LMNTD1: variants seen among roughly 807,000 people sequenced by gnomAD.
LMNTD1 encodes the protein lamin tail domain-containing protein 1.
In LMNTD1, 35 loss-of-function variants were observed where a neutral mutation model predicts 50.9. That is an observed-to-expected ratio of 0.69 (90% CI 0.53 to 0.91). LMNTD1 has a LOEUF of 0.91. LMNTD1 is among the 40% of genes least tolerant of loss of function. The probability of loss-of-function intolerance (pLI) is 0.00; values close to 1 mark genes in which losing one functional copy is unlikely to be tolerated. For missense variants in LMNTD1, 470 were observed against 475.5 expected (o/e 0.99, Z 0.11); for synonymous variants, 153 against 161.9 (o/e 0.94, Z 0.42).
chr12:25,620,726 C>T (rs1946455188), intron 1 of LMNTD1, among the ~76,000 whole-genome samples: 1 of 152,168 alleles, frequency 6.6e-6, no homozygotes, highest in African/African-American at 2.4e-5. Context: ...CACTGGGTCC[C>T]CGCTTCTCTC....
At chr12:25,496,335 T>G (rs1232993355) in intron 9 of LMNTD1, among the ~76,000 whole-genome samples, 1 of 152,148 alleles carries the variant, frequency 6.6e-6, no homozygotes, top group Non-Finnish European at 1.5e-5. Context: ...ATGAAATAAG[T>G]TAACTTTTAT....
upstream of LMNTD1, among the ~76,000 whole-genome samples, chr12:25,556,127 C>T: frequency 6.6e-6 from 1 of 152,040 alleles, no homozygotes; most frequent in Non-Finnish European, 1.5e-5. Context: ...CATGTGCCAC[C>T]ACGCCCGGCC....
chr12:25,619,250 CTCTATATA>C (rs1199303926), intron 1 of LMNTD1, among the ~76,000 whole-genome samples: 4,480 of 78,702 alleles, frequency 0.057, 74 homozygotes, highest in Middle Eastern at 0.11. Context: ...CTCTCTCTCT[CTCTATATA>C]TATATATATA....
intron 1 of LMNTD1, among the ~76,000 whole-genome samples, chr12:25,613,934 G>A (rs1323349742): frequency 6.6e-6 from 1 of 151,992 alleles, no homozygotes; most frequent in Non-Finnish European, 1.5e-5. Context: ...GGGCAACTAA[G>A]GGAGAAGATA....
At chr12:25,576,605 T>A (rs1416451633) in intron 1 of LMNTD1, among the ~76,000 whole-genome samples, 2 of 152,248 alleles carry the variant, frequency 1.3e-5, no homozygotes, top group African/African-American at 4.8e-5. Context: ...TTTTGTCAGA[T>A]GGGAAGATTG....
intron 4 of LMNTD1, among the ~76,000 whole-genome samples, chr12:25,542,487 T>C (rs1022401341): frequency 2.1e-5 from 3 of 145,374 alleles, no homozygotes; most frequent in Middle Eastern, 3.7e-3. Context: ...AACCAAACAC[T>C]GCATATTCTC....
chr12:25,642,314 A>T (rs1199234400), intron 1 of LMNTD1, among the ~76,000 whole-genome samples: 1 of 152,146 alleles, frequency 6.6e-6, no homozygotes, highest in Non-Finnish European at 1.5e-5. Context: ...TAAGGTCATG[A>T]GGGTTGAGCC....
intron 1 of LMNTD1, among the ~76,000 whole-genome samples, chr12:25,631,083 C>T (rs115345234): frequency 0.013 from 2,048 of 152,204 alleles, 49 homozygotes; most frequent in African/African-American, 0.047. Context: ...AGCCATAATC[C>T]GCCTAGGAAC....
At chr12:25,553,416 T>TA (rs1171878882), upstream of LMNTD1, 1 of 323,574 alleles carries the variant, frequency 3.1e-6, no homozygotes, top group Non-Finnish European at 5.2e-6. Context: ...TTAAATAAAG[T>TA]AATTTGCTCT....
chr12:25,542,301 G>A (rs1171159382), intron 4 of LMNTD1, among the ~76,000 whole-genome samples: 1 of 151,690 alleles, frequency 6.6e-6, no homozygotes, highest in African/African-American at 2.4e-5. Context: ...ATTCACAATA[G>A]CAAAGACTTG....
intron 9 of LMNTD1, 22 bp downstream of exon 9, chr12:25,503,716 A>T (rs572377103): frequency 1.5e-6 from 2 of 1,341,686 alleles, no homozygotes; most frequent in Admixed American, 1.9e-5. Flanking sequence ...GGAGAAAGCA[A>T]ATTTGCAATA....
At chr12:25,598,823 G>A (rs1241263274) in intron 1 of LMNTD1, among the ~76,000 whole-genome samples, 2 of 151,838 alleles carry the variant, frequency 1.3e-5, no homozygotes, top group Non-Finnish European at 1.5e-5. Context: ...AACCTGAACA[G>A]ACCAATAACA....
At chr12:25,600,741 C>T (rs748161733) in intron 1 of LMNTD1, among the ~76,000 whole-genome samples, 1 of 151,990 alleles carries the variant, frequency 6.6e-6, no homozygotes, top group Non-Finnish European at 1.5e-5. Flanking sequence ...ATCAAAACTA[C>T]AATGAGATAC....
At chr12:25,598,975 G>A (rs1945905440) in intron 1 of LMNTD1, among the ~76,000 whole-genome samples, 1 of 151,874 alleles carries the variant, frequency 6.6e-6, no homozygotes, top group Admixed American at 6.6e-5. Flanking sequence ...AAATGGAGGA[G>A]GGAAAACTTC....
At chr12:25,579,087 T>C (rs1678105231) in intron 1 of LMNTD1, among the ~76,000 whole-genome samples, 1 of 152,064 alleles carries the variant, frequency 6.6e-6, no homozygotes, top group South Asian at 2.1e-4. Flanking sequence ...AAAGGAGGAG[T>C]AATTACATAT....
Position 25,553,079 on chromosome 12 carries a change from A to C in LMNTD1, c.-41T>G. On this transcript the variant is annotated 5_prime_UTR_variant, in exon 1 of 10. Transcript: ENST00000458174. ...TCAAAGTGACCTCACCTGTTAATCCAACTACCTTCAAGCATCAGCTAGGTT... is the reference window on the plus strand; with the variant it reads ...TCAAAGTGACCTCACCTGTTAATCCCACTACCTTCAAGCATCAGCTAGGTT... 6.2e-7 allele frequency: 1 copy of C among 1,613,646 alleles called. No homozygotes were observed.
chr12:25,527,967 G>T (rs1297174103), intron 4 of LMNTD1, among the ~76,000 whole-genome samples: 1 of 151,780 alleles, frequency 6.6e-6, no homozygotes, highest in Admixed American at 6.6e-5. Flanking sequence ...TCTGTGAAAA[G>T]ATTAATGTTT....
chr12:25,583,927 G>A (rs1305152540), intron 1 of LMNTD1, among the ~76,000 whole-genome samples: 1 of 152,160 alleles, frequency 6.6e-6, no homozygotes, highest in East Asian at 1.9e-4. Flanking sequence ...GACTACTTTG[G>A]CTTCTGTGTT....
At chr12:25,560,956 T>C (rs550694803) in intron 1 of LMNTD1, among the ~76,000 whole-genome samples, 1 of 152,344 alleles carries the variant, frequency 6.6e-6, no homozygotes, top group South Asian at 2.1e-4. Context: ...GTTTTCTAAA[T>C]ATACAATCAT....
Sources: allele counts gnomAD v4.1 joint callset (sites outside exome capture counted in the v4.1 genomes callset), GRCh38; gene constraint gnomAD v4.1.1; transcripts MANE v1.5; gene names NCBI Gene and HGNC (gene_info 2026-07-23, HGNC 2026-07-21).